Variants in CD44 observed in about 807,000 individuals in gnomAD.
CD44 encodes CD44 molecule (IN blood group), also known as CD44 antigen.
CD44 carries 49 observed loss-of-function variants against 88.8 expected under a neutral mutation model. The ratio of observed to expected loss-of-function variants is 0.55; its 90% CI spans 0.44 to 0.70. The LOEUF is 0.70. Ranked by LOEUF, CD44 falls within the 30% of genes least tolerant of loss-of-function variation. The pLI is 0.00. For missense variants in CD44, 883 were observed against 913.8 expected (o/e 0.97, Z 0.43); for synonymous variants, 325 against 312.3 (o/e 1.04, Z -0.43).
At chr11:35,210,964 T>C (rs546238294) in intron 13 of CD44, among the ~76,000 whole-genome samples, 1 of 152,352 alleles carries the variant, frequency 6.6e-6, no homozygotes, top group African/African-American at 2.4e-5. Context: ...AAGATCACAG[T>C]TGTAGTGACA....
chr11:35,176,661 C>T lies in CD44; in HGVS notation c.154C>T (p.Leu52Phe). ...YSISRTEAAD[L>F]CKAFNSTLPT... is the part of the protein sequence containing the mutation. ...CATCTCTCGGACGGAGGCCGCTGAC[C>T]TCTGCAAGGCTTTCAATAGCACCTT... is the stretch of plus-strand genomic sequence containing the variant. Residue 52 changes from leucine to phenylalanine, a missense_variant, in exon 2 of 18, where the codon CTC becomes TTC. Leu to Phe is a conservative substitution (Grantham distance 22, BLOSUM62 0). Coordinates refer to ENST00000428726, the MANE Select transcript of CD44 (RefSeq NM_000610.4). The T allele has an allele frequency of 6.2e-7, 1 of 1,614,152 alleles. No individual in the cohort carries two copies. The highest frequency in any genetic ancestry group is 8.5e-7 in the Non-Finnish European group (1 of 1,179,986).
intron 12 of CD44, among the ~76,000 whole-genome samples, chr11:35,208,779 C>CT (rs1948129978): frequency 1.3e-5 from 2 of 152,156 alleles, no homozygotes. Flanking sequence ...TTCTAGTAGC[C>CT]TTAATTTCTA....
intron 1 of CD44, among the ~76,000 whole-genome samples, chr11:35,144,350 C>T (rs1430307190): frequency 1.3e-5 from 2 of 152,156 alleles, no homozygotes; most frequent in African/African-American, 4.8e-5. Flanking sequence ...TACCAGGCAC[C>T]GTGTAGTTTT....
chr11:35,201,213 T>C lies in CD44; in HGVS notation c.1036+18T>C. The C allele has an allele frequency of 6.5e-7, 1 of 1,545,324 alleles. No individual in the cohort carries two copies. The highest frequency in any genetic ancestry group is 9.0e-7 in the Non-Finnish European group (1 of 1,117,286). On this transcript the variant is annotated intron_variant, in intron 8 of 17. Coordinates refer to ENST00000428726, the MANE Select transcript of CD44 (RefSeq NM_000610.4). ...GATGACTGGTAATGGGTTCTGCATA[T>C]TTAATGAAAGATTTTTTTCCCCTCA...
At chr11:35,211,530 T>C in intron 14 of CD44, 81 bp downstream of exon 14, 1 of 1,043,648 alleles carries the variant, frequency 9.6e-7, no homozygotes. Context: ...GGACATTTTC[T>C]GTGTAGTCTG....
chr11:35,151,817 G>A (rs1052416893), intron 1 of CD44, among the ~76,000 whole-genome samples: 1 of 152,208 alleles, frequency 6.6e-6, no homozygotes, highest in African/African-American at 2.4e-5. Context: ...CTTGCCCAGA[G>A]GGCAGAGGTT....
intron 3 of CD44, among the ~76,000 whole-genome samples, chr11:35,185,329 A>G (rs919241903): frequency 1.5e-4 from 23 of 152,122 alleles, no homozygotes; most frequent in Admixed American, 4.6e-4. Flanking sequence ...TTTTTTTCCA[A>G]TTGAATGTAT....
Position 35,229,309 on chromosome 11 carries a change from T to C in CD44, c.2205T>C (p.Asn735=). The part of the protein sequence containing the change: ...MTADETRNLQ[N]VDMKIGV ...CTGATGAGACAAGGAACCTGCAGAA[T>C]GTGGACATGAAGATTGGGGTGTAAC... The change falls in exon 18 of 18, where the codon AAT becomes AAC. Residue 735 remains asparagine, a synonymous_variant. Coordinates refer to ENST00000428726, the MANE Select transcript of CD44 (RefSeq NM_000610.4). The C allele has an allele frequency of 1.2e-6, 2 of 1,613,268 alleles. No individual in the cohort carries two copies. Among genetic ancestry groups the C allele is most frequent in the South Asian group, 2.2e-5 (2 of 91,052 alleles).
intron 7 of CD44, among the ~76,000 whole-genome samples, chr11:35,199,826 G>A (rs1947116210): frequency 6.6e-6 from 1 of 151,636 alleles, no homozygotes; most frequent in South Asian, 2.1e-4. Flanking sequence ...CAGTAAATAC[G>A]TGGTCTTGAT....
chr11:35,195,333 C>A (rs771872829), intron 5 of CD44, among the ~76,000 whole-genome samples: 1 of 151,556 alleles, frequency 6.6e-6, no homozygotes, highest in African/African-American at 2.4e-5. Context: ...AAATTATATT[C>A]TTTACTTCTA....
Position 35,196,772 on chromosome 11 carries a change from A to G in CD44, c.694A>G (p.Thr232Ala). 6.2e-7 allele frequency: 1 copy of G among 1,613,892 alleles called. No individual in the cohort carries two copies. Among genetic ancestry groups the G allele is most frequent in the Non-Finnish European group, 8.5e-7 (1 of 1,179,812 alleles). Residue 232 changes from threonine (T) to alanine (A), a missense_variant, in exon 6 of 18, where the codon ACT becomes GCT. Transcript: ENST00000428726. ...TTTGATGAGCACTAGTGCTACAGCA[A>G]CTGAGACAGCAACCAAGAGGCAAGA... ...TTLMSTSATA[T>A]ETATKRQETW... is the part of the protein sequence containing the mutation.
chr11:35,232,365 T>C lies in CD44; in HGVS notation c.*3032T>C, dbSNP rs1387036438. On this transcript the variant is annotated 3_prime_UTR_variant, in exon 18 of 18. Transcript: ENST00000428726. ...TGAGTTGAAAGCACTTATTGGAAAATATTAAAAGGCTAACATTAAAAGACT... is the reference window on the plus strand; with the variant it reads ...TGAGTTGAAAGCACTTATTGGAAAACATTAAAAGGCTAACATTAAAAGACT... 6.6e-6 allele frequency: 1 copy of C among 152,454 alleles called. No individual in the cohort carries two copies. The highest frequency in any genetic ancestry group is 1.5e-5 in the Non-Finnish European group (1 of 68,024). 9.4% of individuals were successfully genotyped at this position (152,454 alleles called of 1,614,324 possible).
intron 9 of CD44, among the ~76,000 whole-genome samples, chr11:35,203,052 G>A (rs1030360712): frequency 8.5e-5 from 13 of 152,180 alleles, no homozygotes; most frequent in Admixed American, 7.2e-4. Flanking sequence ...CAGACAGAAT[G>A]TAACTTGACA....
At chr11:35,191,861 G>A (rs973124978) in intron 5 of CD44, among the ~76,000 whole-genome samples, 13 of 152,118 alleles carry the variant, frequency 8.5e-5, no homozygotes, top group Admixed American at 5.2e-4. Flanking sequence ...AACCTACTAC[G>A]TACCAGGCCT....
At position 35,201,187 on chromosome 11, in the gene CD44, G is replaced by T; in HGVS notation, c.1028G>T (p.Arg343Met). Residue 343 changes from arginine (R) to methionine (M), a missense_variant, in exon 8 of 18, where the codon AGG (arginine) becomes ATG (methionine). Coordinates refer to ENST00000428726, the MANE Select transcript of CD44 (RefSeq NM_000610.4). ...GAAGTGCTACTTCAGACAACCACAA[G>T]GATGACTGGTAATGGGTTCTGCATA... ...NPEVLLQTTT[R>M]MTDVDRNGTT... is the part of the protein sequence containing the mutation. The T allele has an allele frequency of 6.2e-7, 1 of 1,607,150 alleles. No individual in the cohort carries two copies. The highest frequency in any genetic ancestry group is 8.5e-7 in the Non-Finnish European group (1 of 1,173,724).
intron 4 of CD44, among the ~76,000 whole-genome samples, chr11:35,189,210 C>T (rs2133877102): frequency 6.6e-6 from 1 of 152,304 alleles, no homozygotes; most frequent in Non-Finnish European, 1.5e-5. Context: ...GGTTGAATTT[C>T]ACAGAGAACG....
rs886789361 is a variant in CD44 at position 35,201,857 on chromosome 11, T to G, written c.1153+70T>G. 4.6e-6 allele frequency: 7 copies of G among 1,528,042 alleles called. No individual in the cohort carries two copies. In the African/African-American group the frequency reaches 9.8e-5, roughly 21 times the overall value. 94.7% of individuals were successfully genotyped at this position (1,528,042 alleles called of 1,614,324 possible). A position where few individuals can be genotyped will look rare whatever the true frequency, so the allele number is the denominator to read the frequency against. The stretch of plus-strand genomic sequence containing the variant: ...AAAGACATTCCAGCAATAGGGAAGA[T>G]TTTGTTTAGAAATTGGCCGCATCTT... On this transcript the variant is annotated intron_variant, in intron 9 of 17. Transcript: ENST00000428726.
At chr11:35,210,967 T>C (rs2134189723) in intron 13 of CD44, among the ~76,000 whole-genome samples, 1 of 152,346 alleles carries the variant, frequency 6.6e-6, no homozygotes, top group East Asian at 1.9e-4. Flanking sequence ...ATCACAGTTG[T>C]AGTGACATAG....
intron 2 of CD44, among the ~76,000 whole-genome samples, chr11:35,179,673 G>A (rs1305395559): frequency 7.9e-5 from 12 of 152,154 alleles, no homozygotes; most frequent in Admixed American, 7.9e-4. Context: ...TGCCTGCAAT[G>A]CTCAGGAGGC....
Sources: allele counts gnomAD v4.1 joint callset (sites outside exome capture counted in the v4.1 genomes callset), GRCh38; gene constraint gnomAD v4.1.1; transcripts MANE v1.5; gene names NCBI Gene and HGNC (gene_info 2026-07-23, HGNC 2026-07-21).